MAP3K13: variants seen among roughly 807,000 people sequenced by gnomAD.
MAP3K13 encodes leucine zipper-bearing kinase.
In MAP3K13, 52 loss-of-function variants were observed where a neutral mutation model predicts 104.0. That is an observed-to-expected ratio of 0.50 (90% confidence interval 0.40 to 0.63). The LOEUF (loss-of-function observed/expected upper bound fraction) is 0.63. Ranked by LOEUF, MAP3K13 falls within the 20% of genes least tolerant of loss-of-function variation. The pLI is 0.00. For synonymous variants in MAP3K13, 394 were observed against 442.2 expected, an observed-to-expected ratio of 0.89 and a Z score of 1.37; for missense variants, 914 against 1,218.5, an observed-to-expected ratio of 0.75 and a Z score of 3.72.
chr3:185,437,269 T>G (rs1020016206), intron 2 of MAP3K13, among the ~76,000 whole-genome samples, 178 bp from the exon 3 acceptor site: 1 of 152,092 alleles, frequency 6.6e-6, no homozygotes, highest in Non-Finnish European at 1.5e-5. Context: ...TGATACAAAC[T>G]AATGTTTATG....
rs974977835 is a variant in MAP3K13, at chr3:185,437,358, G to A, written c.476-89G>A. 3.5e-6 allele frequency: 4 copies of A among 1,137,042 alleles called. No individual in the cohort carries two copies. In the African/African-American group the frequency reaches 4.7e-5, roughly 13 times the overall value. The allele number at this position is 1,137,042 out of a possible 1,614,324, so 70.4% of individuals were successfully genotyped here. Reference sequence around the variant, plus strand: ...AGACAGAGGGTAAGGGTCATCCTGGGTGACGATGAAGTTGGTACCTTCAGA... The same window carrying A: ...AGACAGAGGGTAAGGGTCATCCTGGATGACGATGAAGTTGGTACCTTCAGA... On this transcript the variant is annotated intron_variant, in intron 2 of 13. Transcript: ENST00000265026.
At chr3:185,391,353 C>T (rs1201030832) in intron 1 of MAP3K13, among the ~76,000 whole-genome samples, 1 of 152,190 alleles carries the variant, frequency 6.6e-6, no homozygotes, top group Non-Finnish European at 1.5e-5. Context: ...GCTTATTTCA[C>T]TTAGCATAAT....
rs377680803 is a variant in MAP3K13 at position 185,379,566 on chromosome 3, G to A, written c.-86+16198G>A. Among the ~76,000 whole-genome samples the A allele has an allele frequency of 5.9e-5, 9 of 152,240 alleles. No homozygotes were observed. In the South Asian group the frequency reaches 8.3e-4, roughly 14 times the overall value. On this transcript the variant is annotated intron_variant, in intron 1 of 13. Coordinates refer to ENST00000265026, the MANE Select transcript of MAP3K13 (RefSeq NM_004721.5). ...GGTGAGGACAGGGGACTGGTCTCCC[G>A]AAGGAGTCCCACTGACCCGGGTCTT...
intron 1 of MAP3K13, among the ~76,000 whole-genome samples, chr3:185,381,120 G>A (rs1350018680): frequency 1.3e-5 from 2 of 151,826 alleles, no homozygotes; most frequent in South Asian, 2.1e-4. Flanking sequence ...GTGCTACCAC[G>A]CCCGGCTAAT....
chr3:185,462,644 G>C (rs1577602535), intron 7 of MAP3K13, among the ~76,000 whole-genome samples: 1 of 152,008 alleles, frequency 6.6e-6, no homozygotes, highest in Admixed American at 6.6e-5. Flanking sequence ...GTGGTGGCAC[G>C]TTCCTGTAAT....
At chr3:185,454,654 T>C (rs1464949226) in intron 7 of MAP3K13, among the ~76,000 whole-genome samples, 1 of 108,248 alleles carries the variant, frequency 9.2e-6, no homozygotes, top group African/African-American at 3.8e-5. Flanking sequence ...ATATATGATA[T>C]ATATATGATA....
chr3:185,454,317 T>TATATATCATATATATGAG (rs1716120207), intron 7 of MAP3K13, among the ~76,000 whole-genome samples: 1 of 107,752 alleles, frequency 9.3e-6, no homozygotes, highest in East Asian at 2.4e-4. Context: ...ATATATGAGA[T>TATATATCATATATATGAG]ATATATGAGA....
chr3:185,433,980 GA>G (rs199863685), intron 2 of MAP3K13, among the ~76,000 whole-genome samples: 1 of 61,452 alleles, frequency 1.6e-5, no homozygotes, highest in Non-Finnish European at 6.1e-5. Context: ...TAGCAATGTG[GA>G]AAAAAATAAT....
intron 1 of MAP3K13, among the ~76,000 whole-genome samples, chr3:185,406,694 A>T (rs776632542): frequency 6.6e-6 from 1 of 152,196 alleles, no homozygotes; most frequent in Non-Finnish European, 1.5e-5. Flanking sequence ...CATTTCAGTT[A>T]TTATGTGAAG....
chr3:185,394,568 C>T (rs1395285773), intron 1 of MAP3K13, among the ~76,000 whole-genome samples: 1 of 152,202 alleles, frequency 6.6e-6, no homozygotes, highest in Non-Finnish European at 1.5e-5. Flanking sequence ...CATATAGCTA[C>T]ATAACTATTC....
intron 1 of MAP3K13, among the ~76,000 whole-genome samples, chr3:185,372,079 C>T (rs1037443066): frequency 2.6e-5 from 4 of 152,164 alleles, no homozygotes; most frequent in African/African-American, 7.2e-5. Flanking sequence ...TAATTACTCA[C>T]CAATTATTTC....
intron 2 of MAP3K13, among the ~76,000 whole-genome samples, chr3:185,325,419 C>T (rs73052860): frequency 0.023 from 3,443 of 152,152 alleles, 140 homozygotes; most frequent in African/African-American, 0.078. Context: ...TCATAGATTC[C>T]GGGGATTTGA....
In MAP3K13 at chr3:185,487,695, CTA is replaced by C. The variant is rs1473604810; in HGVS notation, c.*5241_*5242del. On this transcript the variant is annotated 3_prime_UTR_variant, in exon 14 of 14. Transcript: ENST00000265026. ...CTGCCCTGCTCTGCAGTAGAGTGTG[CTA>C]TGTTTTGTTTTCCCACTGAGCCAGA... is the stretch of plus-strand genomic sequence containing the variant. 1 of 151,944 alleles carries C rather than the reference CTA, an allele frequency of 6.6e-6. No individual in the cohort carries two copies. The highest frequency in any genetic ancestry group is 1.9e-4 in the East Asian group (1 of 5,186). The allele number at this position is 151,944 out of a possible 1,614,324, so 9.4% of individuals were successfully genotyped here.
At chr3:185,462,697 CG>C (rs1223771938) in intron 7 of MAP3K13, among the ~76,000 whole-genome samples, 5 of 152,106 alleles carry the variant, frequency 3.3e-5, no homozygotes, top group African/African-American at 1.2e-4. Flanking sequence ...CACTTGAACC[CG>C]GGAGACAGAG....
chr3:185,439,512 G>GGC (rs1357828509), intron 3 of MAP3K13, among the ~76,000 whole-genome samples: 1 of 152,008 alleles, frequency 6.6e-6, no homozygotes. Flanking sequence ...CTCCTAAATG[G>GGC]AAGGAAGGGT....
intron 1 of MAP3K13, among the ~76,000 whole-genome samples, chr3:185,380,021 A>G (rs986654372): frequency 6.6e-6 from 1 of 152,022 alleles, no homozygotes; most frequent in African/African-American, 2.4e-5. Flanking sequence ...CCCCATCTCA[A>G]CTAAAAATAC....
At chr3:185,354,120 TC>T (rs1284397459) in intron 2 of MAP3K13, among the ~76,000 whole-genome samples, 1 of 151,962 alleles carries the variant, frequency 6.6e-6, no homozygotes, top group Non-Finnish European at 1.5e-5. Flanking sequence ...GAAGAGCGGC[TC>T]TTGGCCTTGA....
At chr3:185,407,304 G>A (rs925821245) in intron 1 of MAP3K13, among the ~76,000 whole-genome samples, 1 of 152,076 alleles carries the variant, frequency 6.6e-6, no homozygotes, top group African/African-American at 2.4e-5. Flanking sequence ...ATGTAATCGT[G>A]ACTGTGCTAA....
At chr3:185,438,432 G>A (rs190517005) in intron 3 of MAP3K13, among the ~76,000 whole-genome samples, 23 of 152,240 alleles carry the variant, frequency 1.5e-4, no homozygotes, top group Admixed American at 5.2e-4. Context: ...AAACATTAAC[G>A]TGTAATGGCA....
Sources: allele counts gnomAD v4.1 joint callset (sites outside exome capture counted in the v4.1 genomes callset), GRCh38; gene constraint gnomAD v4.1.1; transcripts MANE v1.5; gene names NCBI Gene and HGNC (gene_info 2026-07-23, HGNC 2026-07-21).